COL24A1: variants seen among roughly 807,000 people sequenced by gnomAD.
The protein encoded by COL24A1 is collagen type XXIV alpha 1 chain, also known as collagen alpha-1(XXIV) chain.
Under a neutral mutation model 253.9 loss-of-function variants are expected in COL24A1, and 224 were observed. The observed-to-expected ratio is 0.88, with a 90% confidence interval of 0.79 to 0.99. The LOEUF is 0.99. Ranked by LOEUF, COL24A1 falls within the 50% of genes least tolerant of loss-of-function variation. The pLI is 0.00. For synonymous variants in COL24A1, 685 were observed against 673.7 expected, an observed-to-expected ratio of 1.02 and a Z score of -0.26; for missense variants, 2,131 against 2,068.5, an observed-to-expected ratio of 1.03 and a Z score of -0.59.
intron 7 of COL24A1, among the ~76,000 whole-genome samples, chr1:86,080,412 T>G (rs921020083): frequency 2.6e-5 from 4 of 152,158 alleles, no homozygotes; most frequent in Non-Finnish European, 5.9e-5. Flanking sequence ...TTTAATTGTA[T>G]AATTTAAAAT....
In COL24A1 at chr1:86,047,785, T is replaced by C. The variant is rs370335638; in HGVS notation, c.1906-916A>G. ...TCATCATTAAAAATATCTTTATATT[T>C]AAGCCAGTTTGAATTGTGGTTTTCT... On this transcript the variant is annotated intron_variant, in intron 11 of 59. Coordinates refer to ENST00000370571, the MANE Select transcript of COL24A1 (RefSeq NM_152890.7). 7.9e-5 allele frequency among the ~76,000 whole-genome samples: 12 copies of C among 152,218 alleles called. No homozygotes were observed. The South Asian group carries it at 2.5e-3, about 32-fold the overall frequency.
At chr1:86,083,021 G>T (rs972190167) in intron 7 of COL24A1, among the ~76,000 whole-genome samples, 1 of 151,996 alleles carries the variant, frequency 6.6e-6, no homozygotes, top group African/African-American at 2.4e-5. Context: ...AAACTGGCCG[G>T]GCACGGTGGC....
At chr1:86,153,382 T>G (rs1222092088) in intron 1 of COL24A1, among the ~76,000 whole-genome samples, 1 of 152,132 alleles carries the variant, frequency 6.6e-6, no homozygotes, top group Non-Finnish European at 1.5e-5. Context: ...ACTGGGCCCA[T>G]AGTTGGAGCT....
intron 35 of COL24A1, among the ~76,000 whole-genome samples, chr1:85,873,082 A>C (rs1680722334): frequency 6.6e-6 from 1 of 152,208 alleles, no homozygotes; most frequent in African/African-American, 2.4e-5. Flanking sequence ...ACACATGAAA[A>C]AATGCTCATC....
At chr1:85,978,307 A>G (rs1010614638) in intron 20 of COL24A1, among the ~76,000 whole-genome samples, 1 of 152,076 alleles carries the variant, frequency 6.6e-6, no homozygotes, top group African/African-American at 2.4e-5. Context: ...CTATAAAACA[A>G]CAACACACAC....
chr1:85,760,036 T>C (rs1666677759), intron 55 of COL24A1, among the ~76,000 whole-genome samples: 1 of 150,228 alleles, frequency 6.7e-6, no homozygotes, highest in South Asian at 2.1e-4. Flanking sequence ...GAAAGTGATT[T>C]GAAGACTTGG....
At chr1:86,070,849 C>T (rs1162013353) in intron 7 of COL24A1, among the ~76,000 whole-genome samples, 1 of 149,752 alleles carries the variant, frequency 6.7e-6, no homozygotes, top group Non-Finnish European at 1.5e-5. Flanking sequence ...GTCATTCAAT[C>T]AGAAAAAAAA....
chr1:85,916,492 G>A (rs1233458394), intron 24 of COL24A1, among the ~76,000 whole-genome samples: 1 of 151,998 alleles, frequency 6.6e-6, no homozygotes, highest in African/African-American at 2.4e-5. Context: ...GGCAACATAG[G>A]GAGATCACAT....
At chr1:85,868,962 T>G (rs577233220) in intron 35 of COL24A1, 127 bp from the exon 36 acceptor site, 1 of 588,088 alleles carries the variant, frequency 1.7e-6, no homozygotes, top group Non-Finnish European at 2.9e-6. Context: ...CTACTTTATT[T>G]CTAAAGAGGA....
At position 85,801,358 on chromosome 1, in the gene COL24A1, T is replaced by C. The variant is rs1214123064; in HGVS notation, c.3952-14897A>G. Among the ~76,000 whole-genome samples the C allele has an allele frequency of 3.9e-5, 6 of 152,206 alleles. No homozygotes were observed. In the East Asian group the frequency reaches 1.2e-3, roughly 29 times the overall value. Reference sequence around the variant, plus strand: ...GGTTCTCTTGACCTCTGGCTTCCAGTTGGGGTTGGCCAGTGTGATGCACCA... The same window carrying C: ...GGTTCTCTTGACCTCTGGCTTCCAGCTGGGGTTGGCCAGTGTGATGCACCA... On this transcript the variant is annotated intron_variant, in intron 47 of 59. Coordinates refer to ENST00000370571, the MANE Select transcript of COL24A1 (RefSeq NM_152890.7).
chr1:86,079,914 A>G (rs932340732), intron 7 of COL24A1, among the ~76,000 whole-genome samples: 1 of 152,156 alleles, frequency 6.6e-6, no homozygotes, highest in African/African-American at 2.4e-5. Flanking sequence ...CAATCCCACT[A>G]CTGGGTATAT....
Position 85,899,922 on chromosome 1 carries a change from C to T in COL24A1, c.2779-3513G>A, listed in dbSNP as rs181744732. Among the ~76,000 whole-genome samples the T allele has an allele frequency of 4.1e-4, 63 of 152,168 alleles. 1 individual carries two copies. In the East Asian group the frequency reaches 0.011, roughly 26 times the overall value. ...GATGTCTAACTGTACAAAGACTGAA[C>T]GACTGTGCTTTATTAAGTTTATAAT... On this transcript the variant is annotated intron_variant, in intron 28 of 59. Transcript: ENST00000370571.
At chr1:85,955,854 C>G (rs546358265) in intron 24 of COL24A1, among the ~76,000 whole-genome samples, 1 of 152,312 alleles carries the variant, frequency 6.6e-6, no homozygotes, top group South Asian at 2.1e-4. Context: ...TTTCCTATTT[C>G]TATCACAAAT....
At chr1:85,850,926 A>G (rs1203813669) in intron 37 of COL24A1, among the ~76,000 whole-genome samples, 1 of 151,832 alleles carries the variant, frequency 6.6e-6, no homozygotes, top group Non-Finnish European at 1.5e-5. Context: ...AAAAGGTACA[A>G]TGAAAGCCCG....
At chr1:86,023,045 T>C in intron 14 of COL24A1, 38 bp from the exon 15 acceptor site, 5 of 1,585,796 alleles carry the variant, frequency 3.2e-6, no homozygotes, top group Non-Finnish European at 4.3e-6. Flanking sequence ...CATTAAGCAT[T>C]CATTAGGATT....
At chr1:86,033,756 GA>G in intron 13 of COL24A1, 113 bp downstream of exon 13, 2 of 936,618 alleles carry the variant, frequency 2.1e-6, no homozygotes, top group Non-Finnish European at 3.2e-6. Flanking sequence ...GTGGTGTGGA[GA>G]TTGTTTTTCC....
intron 7 of COL24A1, among the ~76,000 whole-genome samples, chr1:86,065,298 T>C (rs947884588): frequency 6.6e-6 from 1 of 152,196 alleles, no homozygotes; most frequent in South Asian, 2.1e-4. Flanking sequence ...ACACCTGTTT[T>C]TCAGATCAGA....
chr1:85,825,482 C>A (rs1202343284), intron 43 of COL24A1, among the ~76,000 whole-genome samples: 3 of 152,140 alleles, frequency 2.0e-5, no homozygotes, highest in African/African-American at 7.2e-5. Flanking sequence ...AGTTCTAGAT[C>A]CCTGAGGAAT....
chr1:85,901,738 G>C (rs1321712414), intron 28 of COL24A1, among the ~76,000 whole-genome samples: 2 of 147,138 alleles, frequency 1.4e-5, no homozygotes, highest in African/African-American at 5.0e-5. Context: ...CTTGAACCTG[G>C]GAGGCACAGG....
Sources: gnomAD v4.1 joint callset for allele counts (sites outside exome capture counted in the v4.1 genomes callset) on GRCh38, gnomAD v4.1.1 for gene constraint, MANE v1.5 for transcripts, NCBI Gene and HGNC (gene_info 2026-07-23, HGNC 2026-07-21) for gene names.